Variants in SPAG16 observed in about 807,000 individuals in gnomAD.
The protein encoded by SPAG16 is sperm-associated antigen 16 protein.
In SPAG16, 86 loss-of-function variants were observed where a neutral mutation model predicts 80.4. The ratio of observed to expected loss-of-function variants is 1.07; its 90% CI spans 0.90 to 1.28. SPAG16 has a LOEUF of 1.28. Ranked by LOEUF, SPAG16 falls within the 50% of genes most tolerant of loss-of-function variation. The probability of loss-of-function intolerance (pLI) is 0.00; values close to 1 mark genes in which losing one functional copy is unlikely to be tolerated. For synonymous variants in SPAG16, 294 were observed against 265.9 expected (o/e 1.11, Z -1.03); for missense variants, 870 against 765.3 (o/e 1.14, Z -1.61).
intron 15 of SPAG16, among the ~76,000 whole-genome samples, chr2:214,164,353 T>C (rs567527770): frequency 9.2e-4 from 140 of 152,256 alleles, no homozygotes; most frequent in Non-Finnish European, 1.6e-3. Context: ...AGAAAGGATG[T>C]TCTGAGATTA....
At chr2:213,903,162 T>C (rs571451814) in intron 11 of SPAG16, among the ~76,000 whole-genome samples, 1 of 152,236 alleles carries the variant, frequency 6.6e-6, no homozygotes, top group East Asian at 1.9e-4. Flanking sequence ...TCTACCATGC[T>C]GGGGTCTGGA....
intron 10 of SPAG16, among the ~76,000 whole-genome samples, chr2:213,804,003 G>T (rs773213490): frequency 6.6e-6 from 1 of 152,082 alleles, no homozygotes; most frequent in Non-Finnish European, 1.5e-5. Flanking sequence ...CATATCCCTG[G>T]GCTTTTCCTC....
chr2:213,773,131 CT>C (rs1200661480), intron 10 of SPAG16, among the ~76,000 whole-genome samples: 1 of 151,274 alleles, frequency 6.6e-6, no homozygotes, highest in Non-Finnish European at 1.5e-5. Context: ...TTTTAGAGTT[CT>C]TTTTATCATT....
chr2:213,881,967 G>A (rs1342500167), intron 11 of SPAG16, among the ~76,000 whole-genome samples: 1 of 152,118 alleles, frequency 6.6e-6, no homozygotes, highest in Non-Finnish European at 1.5e-5. Flanking sequence ...TTGGCTGTTG[G>A]TTCATCATAG....
At chr2:213,719,455 G>T (rs2066410767) in intron 10 of SPAG16, among the ~76,000 whole-genome samples, 1 of 152,060 alleles carries the variant, frequency 6.6e-6, no homozygotes, top group Admixed American at 6.5e-5. Flanking sequence ...ATCTGATGCA[G>T]AGGCGGAGAA....
At chr2:213,696,839 T>C (rs945703959) in intron 10 of SPAG16, among the ~76,000 whole-genome samples, 3 of 152,138 alleles carry the variant, frequency 2.0e-5, no homozygotes, top group African/African-American at 4.8e-5. Context: ...CAGACAACTC[T>C]TCTTGTAAGT....
At chr2:213,473,760 A>G (rs1351917495) in intron 9 of SPAG16, among the ~76,000 whole-genome samples, 2 of 152,188 alleles carry the variant, frequency 1.3e-5, no homozygotes, top group African/African-American at 4.8e-5. Context: ...CACCCTTAAT[A>G]TCCATTCCCA....
intron 8 of SPAG16, among the ~76,000 whole-genome samples, chr2:213,374,057 A>G (rs1272098808): frequency 6.6e-6 from 1 of 152,054 alleles, no homozygotes; most frequent in East Asian, 1.9e-4. Flanking sequence ...CAGTTTGGAC[A>G]CCCAGGTCTC....
At chr2:214,000,332 C>T (rs938912881) in intron 12 of SPAG16, among the ~76,000 whole-genome samples, 1 of 152,142 alleles carries the variant, frequency 6.6e-6, no homozygotes, top group Non-Finnish European at 1.5e-5. Context: ...GCATCATCCT[C>T]ATTTTCTGTT....
At chr2:213,404,784 T>C (rs2068521597) in intron 9 of SPAG16, among the ~76,000 whole-genome samples, 1 of 152,254 alleles carries the variant, frequency 6.6e-6, no homozygotes, top group South Asian at 2.1e-4. Context: ...AAATGCTTTG[T>C]ATTTTTCTAA....
At chr2:213,643,134 T>C (rs2062667063) in intron 10 of SPAG16, among the ~76,000 whole-genome samples, 1 of 151,150 alleles carries the variant, frequency 6.6e-6, no homozygotes, top group Non-Finnish European at 1.5e-5. Context: ...AGGTCTGATA[T>C]TGATGAAATG....
chr2:214,041,935 TTATA>T, intron 13 of SPAG16, among the ~76,000 whole-genome samples: 4 of 142,026 alleles, frequency 2.8e-5, no homozygotes, highest in African/African-American at 1.0e-4. Context: ...GTGTATATAT[TTATA>T]TATATATAGT....
At chr2:213,601,790 G>T (rs924953565) in intron 10 of SPAG16, among the ~76,000 whole-genome samples, 1 of 152,152 alleles carries the variant, frequency 6.6e-6, no homozygotes, top group African/African-American at 2.4e-5. Flanking sequence ...ACAGTAACAT[G>T]CTATACAGGT....
chr2:213,804,638 G>A (rs369131865), intron 10 of SPAG16, among the ~76,000 whole-genome samples: 3 of 152,174 alleles, frequency 2.0e-5, no homozygotes, highest in East Asian at 1.9e-4. Flanking sequence ...AGCCGAGATC[G>A]CGCCACTGCA....
At chr2:213,500,297 A>G (rs758943073) in intron 10 of SPAG16, among the ~76,000 whole-genome samples, 3 of 152,210 alleles carry the variant, frequency 2.0e-5, no homozygotes, top group Non-Finnish European at 4.4e-5. Flanking sequence ...TTTCAGGTAC[A>G]TTTGATATAT....
chr2:213,528,832 T>C (rs2075973498), intron 10 of SPAG16, among the ~76,000 whole-genome samples: 1 of 152,166 alleles, frequency 6.6e-6, no homozygotes, highest in African/African-American at 2.4e-5. Flanking sequence ...TACGAATTTG[T>C]GTTGAGCTGA....
At chr2:214,070,136 T>C (rs1322401086) in intron 13 of SPAG16, among the ~76,000 whole-genome samples, 2 of 151,844 alleles carry the variant, frequency 1.3e-5, no homozygotes, top group African/African-American at 4.8e-5. Flanking sequence ...AGACCATGAG[T>C]TTTTTCCTTG....
chr2:213,933,937 C>G (rs1414408618), intron 12 of SPAG16, among the ~76,000 whole-genome samples: 1 of 152,202 alleles, frequency 6.6e-6, no homozygotes, highest in Non-Finnish European at 1.5e-5. Context: ...GTTGACTCTT[C>G]AAACAGTGAA....
intron 9 of SPAG16, among the ~76,000 whole-genome samples, chr2:213,426,498 A>G (rs1432048742): frequency 6.6e-6 from 1 of 152,008 alleles, no homozygotes; most frequent in African/African-American, 2.4e-5. Flanking sequence ...TGGCTAATAA[A>G]TGGTTCATTT....
Sources: gnomAD v4.1 joint callset for allele counts (sites outside exome capture counted in the v4.1 genomes callset) on GRCh38, gnomAD v4.1.1 for gene constraint, MANE v1.5 for transcripts, NCBI Gene and HGNC (gene_info 2026-07-23, HGNC 2026-07-21) for gene names.